Variants in LPAR1 observed in about 807,000 individuals in gnomAD.
LPAR1 encodes LPA receptor 1.
LPAR1 carries 5 observed loss-of-function variants against 23.8 expected under a neutral mutation model. That is an observed-to-expected ratio of 0.21 (90% confidence interval 0.11 to 0.44). The LOEUF is 0.44. LPAR1 is among the 20% of genes least tolerant of loss of function. The pLI is 0.99. For synonymous variants in LPAR1, 160 were observed against 164.7 expected (o/e 0.97, Z 0.22); for missense variants, 311 against 482.8 (o/e 0.64, Z 3.33).
At chr9:110,974,168 A>AAT (rs889295935) in intron 2 of LPAR1, among the ~76,000 whole-genome samples, 35 of 151,774 alleles carry the variant, frequency 2.3e-4, no homozygotes, top group Admixed American at 1.3e-4. Flanking sequence ...CAAAAAAAAA[A>AAT]AGTAAGGCTA....
At chr9:110,991,491 G>A (rs1169168766) in intron 2 of LPAR1, among the ~76,000 whole-genome samples, 3 of 152,096 alleles carry the variant, frequency 2.0e-5, no homozygotes, top group South Asian at 2.1e-4. Flanking sequence ...CCCAAACTTT[G>A]ATGTGATTTT....
chr9:110,963,035 G>A (rs578134697), intron 4 of LPAR1, among the ~76,000 whole-genome samples: 1 of 152,264 alleles, frequency 6.6e-6, no homozygotes, highest in Non-Finnish European at 1.5e-5. Context: ...ACGAGATTGG[G>A]CAAACAGTTC....
At chr9:111,020,682 GAGCA>G (rs1208298715) in intron 2 of LPAR1, among the ~76,000 whole-genome samples, 2 of 151,942 alleles carry the variant, frequency 1.3e-5, no homozygotes, top group Non-Finnish European at 2.9e-5. Context: ...TACTAGCATT[GAGCA>G]CCTGTGCCTA....
chr9:110,929,987 A>T (rs1033757477), intron 5 of LPAR1, among the ~76,000 whole-genome samples: 3 of 152,174 alleles, frequency 2.0e-5, no homozygotes, highest in Non-Finnish European at 4.4e-5. Context: ...TTTCCAGATG[A>T]AACAGCTGCC....
intron 5 of LPAR1, among the ~76,000 whole-genome samples, chr9:110,891,795 A>G (rs2084256364): frequency 6.6e-6 from 1 of 152,234 alleles, no homozygotes; most frequent in Non-Finnish European, 1.5e-5. Context: ...AAAGGCGATC[A>G]GCTTCACTAG....
At chr9:110,991,166 G>A (rs528797592) in intron 2 of LPAR1, among the ~76,000 whole-genome samples, 17 of 152,292 alleles carry the variant, frequency 1.1e-4, no homozygotes, top group Admixed American at 7.2e-4. Context: ...TGTACTTTGC[G>A]TAAGCAAAGT....
At chr9:110,982,861 TACACACACACACAC>T (rs55748505) in intron 2 of LPAR1, among the ~76,000 whole-genome samples, 4 of 139,988 alleles carry the variant, frequency 2.9e-5, no homozygotes, top group South Asian at 2.4e-4. Context: ...TATATACACA[TACACACACACACAC>T]ACACACACAC....
chr9:110,968,904 G>A (rs1460156296), intron 4 of LPAR1, among the ~76,000 whole-genome samples: 1 of 152,094 alleles, frequency 6.6e-6, no homozygotes, highest in Non-Finnish European at 1.5e-5. Flanking sequence ...CTTCATTAAT[G>A]CTATGCTCAT....
chr9:111,019,131 A>G (rs889779415), intron 2 of LPAR1, among the ~76,000 whole-genome samples: 2 of 152,176 alleles, frequency 1.3e-5, no homozygotes, highest in Non-Finnish European at 2.9e-5. Flanking sequence ...GTTTATTTAA[A>G]TATTGCCATA....
At chr9:110,933,392 G>A (rs1044518772) in intron 5 of LPAR1, among the ~76,000 whole-genome samples, 3 of 152,178 alleles carry the variant, frequency 2.0e-5, no homozygotes, top group African/African-American at 7.2e-5. Flanking sequence ...GATAATACTT[G>A]CTACCATTAA....
intron 2 of LPAR1, among the ~76,000 whole-genome samples, chr9:111,004,713 G>T (rs553573117): frequency 6.6e-6 from 1 of 152,058 alleles, no homozygotes; most frequent in African/African-American, 2.4e-5. Context: ...TTACCCCCAA[G>T]CTCTGTACTT....
chr9:111,029,572 T>C (rs2097759905), intron 2 of LPAR1, among the ~76,000 whole-genome samples: 1 of 151,968 alleles, frequency 6.6e-6, no homozygotes, highest in African/African-American at 2.4e-5. Context: ...CTGCTGCAAG[T>C]CATTTCCCTC....
chr9:110,880,197 C>A (rs1454727914), intron 5 of LPAR1, among the ~76,000 whole-genome samples: 1 of 152,004 alleles, frequency 6.6e-6, no homozygotes, highest in Non-Finnish European at 1.5e-5. Context: ...AGCTTTATTC[C>A]TCCCTGATGC....
At chr9:110,980,664 T>C (rs2096648338) in intron 2 of LPAR1, among the ~76,000 whole-genome samples, 1 of 151,806 alleles carries the variant, frequency 6.6e-6, no homozygotes, top group South Asian at 2.1e-4. Context: ...GGTTAATGGA[T>C]GTACAAAGTT....
In LPAR1 at chr9:110,913,542, T is replaced by A. The variant is rs528807779; in HGVS notation, c.793+27879A>T. Among the ~76,000 whole-genome samples, 39 of 142,412 alleles carry A rather than the reference T, an allele frequency of 2.7e-4. No individual in the cohort carries two copies. The South Asian group carries it at 9.7e-3, about 35-fold the overall frequency. The allele number at this position is 142,412 out of a possible 152,430, so 93.4% of individuals were successfully genotyped here. A position where few individuals can be genotyped will look rare whatever the true frequency, so the allele number is the denominator to read the frequency against. ...ATGTACACACACATGTGTATCAAGT[T>A]CATTTTAATAAGTATATATATATAT... On this transcript the variant is annotated intron_variant, in intron 5 of 5. Coordinates refer to ENST00000683809, the MANE Select transcript of LPAR1 (RefSeq NM_001351411.2).
intron 2 of LPAR1, among the ~76,000 whole-genome samples, chr9:110,973,990 G>T (rs3758284): frequency 0.51 from 77,900 of 151,868 alleles, 21,127 homozygotes; most frequent in Non-Finnish European, 0.61. Flanking sequence ...GACCAACATG[G>T]TGAAACCCCA....
intron 5 of LPAR1, among the ~76,000 whole-genome samples, chr9:110,931,583 T>G (rs1489035645): frequency 6.6e-6 from 1 of 152,142 alleles, no homozygotes; most frequent in African/African-American, 2.4e-5. Context: ...GTTTTAGACA[T>G]GAAGTCCTTG....
Position 110,911,064 on chromosome 9 carries a change from G to A in LPAR1, c.793+30357C>T, listed in dbSNP as rs546658177. Among the ~76,000 whole-genome samples, 40 of 152,288 alleles carry A rather than the reference G, an allele frequency of 2.6e-4. No homozygotes were observed. The South Asian group carries it at 8.1e-3, about 31-fold the overall frequency. On this transcript the variant is annotated intron_variant, in intron 5 of 5. Transcript: ENST00000683809. ...GATTTTGAAAGAAGTTTTACTGTAG[G>A]TAAAATGCTATCAAACAGTATCACA...
At chr9:110,930,181 C>G (rs2094313216) in intron 5 of LPAR1, among the ~76,000 whole-genome samples, 1 of 152,178 alleles carries the variant, frequency 6.6e-6, no homozygotes, top group Non-Finnish European at 1.5e-5. Context: ...CACTGTCAAT[C>G]CCTTCTTCTT....
Sources: allele counts gnomAD v4.1 joint callset (sites outside exome capture counted in the v4.1 genomes callset), GRCh38; gene constraint gnomAD v4.1.1; transcripts MANE v1.5; gene names NCBI Gene and HGNC (gene_info 2026-07-23, HGNC 2026-07-21).